PRKCB: variants seen among roughly 807,000 people sequenced by gnomAD.
The protein encoded by PRKCB is protein kinase C beta, also known as protein kinase C beta type.
In PRKCB, 13 loss-of-function variants were observed where a neutral mutation model predicts 81.5. That is an observed-to-expected ratio of 0.16 (90% CI 0.10 to 0.25). The LOEUF (loss-of-function observed/expected upper bound fraction) is 0.25, where lower values mean the gene tolerates loss of function less well. Among genes scored for constraint, PRKCB ranks in the 10% least tolerant of loss-of-function variants. PRKCB has a pLI of 1.00. For synonymous variants in PRKCB, 335 were observed against 321.4 expected (o/e 1.04, Z -0.45); for missense variants, 509 against 875.7 (o/e 0.58, Z 5.29).
intron 5 of PRKCB, among the ~76,000 whole-genome samples, chr16:24,064,781 C>T (rs186329541): frequency 1.9e-4 from 29 of 151,842 alleles, no homozygotes; most frequent in Middle Eastern, 3.4e-3. Flanking sequence ...GATATCTCCT[C>T]GGTGAATTGA....
At chr16:24,202,840 T>C (rs570331952) in intron 16 of PRKCB, among the ~76,000 whole-genome samples, 10 of 150,244 alleles carry the variant, frequency 6.7e-5, no homozygotes, top group Middle Eastern at 3.4e-3. Context: ...TCAGAGTGCC[T>C]TCTTTCTTTT....
At chr16:23,947,860 T>C (rs1032665955) in intron 2 of PRKCB, among the ~76,000 whole-genome samples, 1 of 150,988 alleles carries the variant, frequency 6.6e-6, no homozygotes, top group Non-Finnish European at 1.5e-5. Flanking sequence ...CTTGTCATTC[T>C]TTCTGGCCAC....
chr16:23,973,500 T>A (rs545748839), intron 2 of PRKCB, among the ~76,000 whole-genome samples: 1 of 152,078 alleles, frequency 6.6e-6, no homozygotes, highest in Admixed American at 6.5e-5. Flanking sequence ...GTGTTTTTAA[T>A]GTGTTGTCAC....
chr16:24,189,655 A>G (rs912174798), intron 15 of PRKCB, among the ~76,000 whole-genome samples: 1 of 152,024 alleles, frequency 6.6e-6, no homozygotes, highest in African/African-American at 2.4e-5. Flanking sequence ...AAAAAAAAAA[A>G]AAAAAAAGAA....
intron 2 of PRKCB, among the ~76,000 whole-genome samples, chr16:23,861,560 A>T (rs1962664532): frequency 6.6e-6 from 1 of 152,164 alleles, no homozygotes; most frequent in South Asian, 2.1e-4. Flanking sequence ...CACTGTCATC[A>T]AGCGCCTCTC....
At chr16:24,020,461 T>C (rs1965343425) in intron 3 of PRKCB, among the ~76,000 whole-genome samples, 1 of 152,202 alleles carries the variant, frequency 6.6e-6, no homozygotes, top group South Asian at 2.1e-4. Context: ...TTATGACAGC[T>C]CATGACTGAA....
intron 3 of PRKCB, among the ~76,000 whole-genome samples, chr16:24,000,684 G>A (rs972940468): frequency 6.6e-6 from 1 of 152,172 alleles, no homozygotes; most frequent in Non-Finnish European, 1.5e-5. Context: ...TGTAGCTAAG[G>A]CCATTTCCAT....
chr16:23,921,511 G>A (rs1314124024), intron 2 of PRKCB, among the ~76,000 whole-genome samples: 1 of 152,138 alleles, frequency 6.6e-6, no homozygotes, highest in Non-Finnish European at 1.5e-5. Flanking sequence ...GTGTGATAAA[G>A]ATGTGCTAGG....
intron 3 of PRKCB, among the ~76,000 whole-genome samples, chr16:23,995,733 G>A (rs1964947232): frequency 6.6e-6 from 1 of 152,160 alleles, no homozygotes; most frequent in Non-Finnish European, 1.5e-5. Flanking sequence ...TGAAGAAATG[G>A]CCTGGATGCC....
At chr16:24,051,823 G>T (rs779761013) in intron 5 of PRKCB, among the ~76,000 whole-genome samples, 11 of 152,070 alleles carry the variant, frequency 7.2e-5, no homozygotes, top group Non-Finnish European at 1.6e-4. Context: ...CAAGGAAAGA[G>T]GCCGGGCACA....
chr16:24,195,202 G>GAAA (rs35292926), intron 16 of PRKCB, among the ~76,000 whole-genome samples: 10,659 of 144,082 alleles, frequency 0.074, 619 homozygotes, highest in East Asian at 0.18. Context: ...CCCTGTCTCA[G>GAAA]AAAAAAAAAA....
At chr16:24,002,992 G>C (rs1965060017) in intron 3 of PRKCB, among the ~76,000 whole-genome samples, 1 of 152,070 alleles carries the variant, frequency 6.6e-6, no homozygotes. Flanking sequence ...CCCTCCCCGA[G>C]TCAGTCAGTA....
intron 3 of PRKCB, among the ~76,000 whole-genome samples, chr16:24,020,975 TTTTTC>T (rs1428517212): frequency 9.8e-6 from 1 of 102,374 alleles, no homozygotes; most frequent in Non-Finnish European, 2.0e-5. Context: ...GAGACTTTTC[TTTTTC>T]TTTCTTTCTT....
chr16:24,076,339 A>G (rs1025728770), intron 5 of PRKCB, among the ~76,000 whole-genome samples: 6 of 152,266 alleles, frequency 3.9e-5, no homozygotes, highest in Admixed American at 3.9e-4. Flanking sequence ...AAAAGAGGTG[A>G]AAGGTGGGGC....
At chr16:24,175,918 G>A (rs1967522236) in intron 12 of PRKCB, among the ~76,000 whole-genome samples, 1 of 149,078 alleles carries the variant, frequency 6.7e-6, no homozygotes, top group African/African-American at 2.5e-5. Context: ...GATGCAATGA[G>A]CTGTGATCAT....
chr16:24,144,634 A>G (rs1396441242), intron 9 of PRKCB, among the ~76,000 whole-genome samples: 1 of 152,226 alleles, frequency 6.6e-6, no homozygotes, highest in Non-Finnish European at 1.5e-5. Context: ...GTGTTGAGGT[A>G]TAATTTACAG....
chr16:23,980,152 G>A (rs539427674), intron 2 of PRKCB, among the ~76,000 whole-genome samples: 3 of 152,312 alleles, frequency 2.0e-5, no homozygotes, highest in South Asian at 2.1e-4. Context: ...GGTTAAGCAC[G>A]GATATGAAAG....
chr16:24,066,532 C>T (rs971671103), intron 5 of PRKCB, among the ~76,000 whole-genome samples: 2 of 152,148 alleles, frequency 1.3e-5, no homozygotes, highest in African/African-American at 4.8e-5. Context: ...ATTATTAACA[C>T]GTTACATGAC....
At chr16:24,142,576 G>A (rs1285794968) in intron 9 of PRKCB, among the ~76,000 whole-genome samples, 1 of 152,180 alleles carries the variant, frequency 6.6e-6, no homozygotes, top group East Asian at 1.9e-4. Context: ...AGAAGGTTCC[G>A]ATTTAATTGG....
Sources: allele counts gnomAD v4.1 joint callset (sites outside exome capture counted in the v4.1 genomes callset), GRCh38; gene constraint gnomAD v4.1.1; transcripts MANE v1.5; gene names NCBI Gene and HGNC (gene_info 2026-07-23, HGNC 2026-07-21).